Variants in COX7B2 observed in about 807,000 individuals in gnomAD.
COX7B2 encodes the protein cytochrome c oxidase subunit 7B2, mitochondrial.
For synonymous variants in COX7B2, 37 were observed against 32.1 expected (o/e 1.15, Z -0.51); for missense variants, 109 against 95.9 (o/e 1.14, Z -0.57).
chr4:46,751,343 G>C (rs1179533671), intron 2 of COX7B2, among the ~76,000 whole-genome samples: 2 of 132,778 alleles, frequency 1.5e-5, no homozygotes, highest in Admixed American at 8.2e-5. Context: ...TGGTGGTAGA[G>C]TGTATACATG....
At chr4:46,859,307 A>G (rs1175690227) in intron 1 of COX7B2, among the ~76,000 whole-genome samples, 1 of 152,080 alleles carries the variant, frequency 6.6e-6, no homozygotes, top group Admixed American at 6.6e-5. Flanking sequence ...TGTTGACTCA[A>G]CTGCTCTCTA....
At chr4:46,903,068 A>G (rs1274390433) in intron 1 of COX7B2, among the ~76,000 whole-genome samples, 1 of 152,184 alleles carries the variant, frequency 6.6e-6, no homozygotes, top group East Asian at 1.9e-4. Context: ...CATTATAGAG[A>G]TAGGCCAAAT....
At chr4:46,820,594 A>G (rs1377141590) in intron 2 of COX7B2, among the ~76,000 whole-genome samples, 1 of 152,038 alleles carries the variant, frequency 6.6e-6, no homozygotes, top group Non-Finnish European at 1.5e-5. Context: ...TTGGGAGGCC[A>G]AGGTGGGCAG....
intron 2 of COX7B2, among the ~76,000 whole-genome samples, chr4:46,824,455 C>A (rs1714531807): frequency 6.6e-6 from 1 of 152,048 alleles, no homozygotes; most frequent in Non-Finnish European, 1.5e-5. Context: ...CTCACTTGTA[C>A]CAAAGTCAAT....
intron 2 of COX7B2, among the ~76,000 whole-genome samples, chr4:46,773,532 G>A (rs761961837): frequency 5.9e-5 from 9 of 152,014 alleles, no homozygotes; most frequent in Non-Finnish European, 1.2e-4. Flanking sequence ...TATAGCAGTG[G>A]GAGAATGGAC....
chr4:46,750,016 G>A (rs1274704249), intron 2 of COX7B2, among the ~76,000 whole-genome samples: 1 of 152,098 alleles, frequency 6.6e-6, no homozygotes, highest in East Asian at 1.9e-4. Context: ...ACTTCACTGG[G>A]TGTACATTCC....
At chr4:46,844,133 C>A (rs1716115495) in intron 2 of COX7B2, among the ~76,000 whole-genome samples, 1 of 151,858 alleles carries the variant, frequency 6.6e-6, no homozygotes, top group Admixed American at 6.6e-5. Context: ...ATTATAATGT[C>A]CATGAACTTA....
At chr4:46,826,501 C>A (rs114212226) in intron 2 of COX7B2, among the ~76,000 whole-genome samples, 23,626 of 151,886 alleles carry the variant, frequency 0.16, 2,568 homozygotes, top group Admixed American at 0.31. Flanking sequence ...CCATTCGACC[C>A]AACAATTCCA....
intron 2 of COX7B2, among the ~76,000 whole-genome samples, chr4:46,814,997 C>A (rs1006126430): frequency 6.6e-6 from 1 of 151,924 alleles, no homozygotes; most frequent in African/African-American, 2.4e-5. Flanking sequence ...ACCGGCCAGG[C>A]CAACACGGCG....
chr4:46,775,312 G>A (rs1295639380), intron 2 of COX7B2, among the ~76,000 whole-genome samples: 1 of 152,050 alleles, frequency 6.6e-6, no homozygotes, highest in African/African-American at 2.4e-5. Flanking sequence ...TAGTGTTACG[G>A]TCATATGTTG....
chr4:46,818,438 C>T (rs1232428445), intron 2 of COX7B2, among the ~76,000 whole-genome samples: 1 of 152,062 alleles, frequency 6.6e-6, no homozygotes. Context: ...TCGCGACCAT[C>T]CTGGCTAACA....
intron 2 of COX7B2, among the ~76,000 whole-genome samples, chr4:46,842,269 C>T (rs1459231477): frequency 6.6e-6 from 1 of 151,974 alleles, no homozygotes; most frequent in Non-Finnish European, 1.5e-5. Context: ...TATGCTTTCC[C>T]TGAAGGTTGC....
At chr4:46,741,336 C>T (rs1007883188) in intron 2 of COX7B2, among the ~76,000 whole-genome samples, 1 of 151,918 alleles carries the variant, frequency 6.6e-6, no homozygotes, top group African/African-American at 2.4e-5. Context: ...AAAAGTAATC[C>T]TGTGCATTGT....
chr4:46,791,580 C>T (rs1472499284), intron 2 of COX7B2, among the ~76,000 whole-genome samples: 1 of 152,126 alleles, frequency 6.6e-6, no homozygotes, highest in Non-Finnish European at 1.5e-5. Context: ...CCAGGAACCT[C>T]CAAAATTCTA....
intron 1 of COX7B2, among the ~76,000 whole-genome samples, chr4:46,872,583 CA>C: frequency 6.6e-6 from 1 of 152,280 alleles, no homozygotes; most frequent in East Asian, 1.9e-4. Flanking sequence ...TGTCCTTCAT[CA>C]TCATTGCTTC....
chr4:46,889,326 C>T (rs1719278970), intron 1 of COX7B2, among the ~76,000 whole-genome samples: 1 of 152,132 alleles, frequency 6.6e-6, no homozygotes, highest in African/African-American at 2.4e-5. Flanking sequence ...TCACCTATTC[C>T]CTGGATGTAG....
intron 2 of COX7B2, among the ~76,000 whole-genome samples, chr4:46,782,930 C>T (rs947935814): frequency 6.6e-6 from 1 of 151,830 alleles, no homozygotes; most frequent in Non-Finnish European, 1.5e-5. Context: ...CGTGAGGGTC[C>T]GCGGCTTCAT....
chr4:46,877,506 A>G (rs1193435806), intron 1 of COX7B2, among the ~76,000 whole-genome samples: 1 of 152,176 alleles, frequency 6.6e-6, no homozygotes, highest in Non-Finnish European at 1.5e-5. Context: ...TAGTTATTAC[A>G]TGTATCTTAG....
intron 2 of COX7B2, among the ~76,000 whole-genome samples, chr4:46,832,965 G>A (rs1715257241): frequency 6.6e-6 from 1 of 152,140 alleles, no homozygotes; most frequent in African/African-American, 2.4e-5. Flanking sequence ...GAGTGCAAAG[G>A]CGTGATCTTG....
Sources: gnomAD v4.1 joint callset for allele counts (sites outside exome capture counted in the v4.1 genomes callset) on GRCh38, gnomAD v4.1.1 for gene constraint, MANE v1.5 for transcripts, NCBI Gene and HGNC (gene_info 2026-07-23, HGNC 2026-07-21) for gene names.